The following MERTK variants were observed in gnomAD, a reference collection of about 807,000 sequenced individuals.
MERTK encodes tyrosine-protein kinase Mer.
MERTK carries 69 observed loss-of-function variants against 99.3 expected under a neutral mutation model. The ratio of observed to expected loss-of-function variants is 0.70; its 90% CI spans 0.57 to 0.85. MERTK has a LOEUF of 0.85. MERTK is among the 40% of genes least tolerant of loss of function. MERTK has a pLI of 0.00. For missense variants in MERTK, 1,125 were observed against 1,249.4 expected, an observed-to-expected ratio of 0.90 and a Z score of 1.50; for synonymous variants, 426 against 467.6, an observed-to-expected ratio of 0.91 and a Z score of 1.15.
chr2:112,017,990 A>T (rs1013284633), intron 15 of MERTK, among the ~76,000 whole-genome samples: 3 of 152,202 alleles, frequency 2.0e-5, no homozygotes, highest in Non-Finnish European at 2.9e-5. Flanking sequence ...AGAGTTGGCT[A>T]GGTGGGTGCT....
intron 1 of MERTK, among the ~76,000 whole-genome samples, chr2:111,925,925 C>T (rs1157041376): frequency 6.6e-6 from 1 of 151,744 alleles, no homozygotes; most frequent in East Asian, 2.0e-4. Context: ...CTCCGCCTCC[C>T]GGGTTCTGCC....
chr2:111,904,565 G>A (rs377076653), intron 1 of MERTK, among the ~76,000 whole-genome samples: 5 of 151,968 alleles, frequency 3.3e-5, no homozygotes, highest in Admixed American at 6.6e-5. Flanking sequence ...AAGTAGAGAC[G>A]GGGTTTCACC....
chr2:112,000,168 C>T (rs1019604004), intron 10 of MERTK, among the ~76,000 whole-genome samples: 5 of 152,120 alleles, frequency 3.3e-5, no homozygotes, highest in Non-Finnish European at 5.9e-5. Flanking sequence ...TGTGGATCTT[C>T]GGTTGCTTCA....
At chr2:111,903,931 G>A (rs1473828583) in intron 1 of MERTK, among the ~76,000 whole-genome samples, 5 of 152,188 alleles carry the variant, frequency 3.3e-5, no homozygotes, top group Non-Finnish European at 5.9e-5. Flanking sequence ...CTAGACAAAA[G>A]GTGTTGGGAG....
chr2:112,027,768 C>T (rs1047524184), intron 18 of MERTK, among the ~76,000 whole-genome samples: 4 of 152,180 alleles, frequency 2.6e-5, no homozygotes, highest in African/African-American at 9.7e-5. Context: ...TACCCCCTGC[C>T]CTCACCCCTG....
At chr2:112,013,874 G>A (rs1223522030) in intron 15 of MERTK, among the ~76,000 whole-genome samples, 1 of 150,228 alleles carries the variant, frequency 6.7e-6, no homozygotes, top group Non-Finnish European at 1.5e-5. Context: ...GTGGCGGGGG[G>A]ATGGAATTTC....
chr2:112,020,767 G>C, intron 16 of MERTK: 1 of 439,278 alleles, frequency 2.3e-6, no homozygotes, highest in Admixed American at 2.8e-5. Flanking sequence ...GTCCACCAGA[G>C]GGCTCTGGTT....
chr2:111,942,503 G>A (rs1684881948), intron 2 of MERTK, among the ~76,000 whole-genome samples: 1 of 152,162 alleles, frequency 6.6e-6, no homozygotes, highest in South Asian at 2.1e-4. Context: ...GGGCTACCAG[G>A]AGAGGGTCAG....
At chr2:112,025,096 C>A (rs1457946306) in intron 18 of MERTK, among the ~76,000 whole-genome samples, 2 of 152,204 alleles carry the variant, frequency 1.3e-5, no homozygotes, top group East Asian at 3.8e-4. Context: ...ACTGGCACTG[C>A]CGCCGACTGT....
intron 1 of MERTK, among the ~76,000 whole-genome samples, chr2:111,915,561 C>T (rs1315510466): frequency 1.7e-5 from 2 of 117,052 alleles, no homozygotes; most frequent in Non-Finnish European, 3.4e-5. Context: ...TTTAGTTCAA[C>T]GTATTTTTTA....
intron 13 of MERTK, among the ~76,000 whole-genome samples, chr2:112,004,299 A>G (rs1676936444): frequency 6.6e-6 from 1 of 152,024 alleles, no homozygotes; most frequent in Non-Finnish European, 1.5e-5. Context: ...AACAACTCCA[A>G]AGTAGAGCAT....
chr2:112,012,665 A>G (rs559919521), intron 15 of MERTK, among the ~76,000 whole-genome samples: 2 of 152,272 alleles, frequency 1.3e-5, no homozygotes, highest in South Asian at 4.1e-4. Context: ...TCCTTCCAGC[A>G]TGGAGAAACT....
At chr2:111,991,689 CATCCCTTG>C (rs1335328559) in intron 8 of MERTK, among the ~76,000 whole-genome samples, 1 of 152,174 alleles carries the variant, frequency 6.6e-6, no homozygotes, top group Non-Finnish European at 1.5e-5. Flanking sequence ...TTTTCCCTTT[CATCCCTTG>C]TCTGGGGGTG....
intron 1 of MERTK, among the ~76,000 whole-genome samples, chr2:111,910,610 G>GTGTGTGTGTA (rs370882764): frequency 0.014 from 1,959 of 143,574 alleles, 29 homozygotes; most frequent in African/African-American, 0.03. Context: ...GTGTGTGTGT[G>GTGTGTGTGTA]TATATATATA....
chr2:111,983,165 G>A (rs1275400501), intron 8 of MERTK, among the ~76,000 whole-genome samples, 172 bp downstream of exon 8: 1 of 152,186 alleles, frequency 6.6e-6, no homozygotes, highest in Non-Finnish European at 1.5e-5. Flanking sequence ...TGACTGAACA[G>A]TTACAAAATT....
chr2:111,941,124 T>C, intron 2 of MERTK: 1 of 356,028 alleles, frequency 2.8e-6, no homozygotes, highest in Non-Finnish European at 5.4e-6. Context: ...CTTGCATGCC[T>C]GAAAATGCCA....
At chr2:111,990,007 C>G (rs1676582208) in intron 8 of MERTK, among the ~76,000 whole-genome samples, 1 of 152,156 alleles carries the variant, frequency 6.6e-6, no homozygotes, top group Non-Finnish European at 1.5e-5. Flanking sequence ...ACCAGACCAC[C>G]TCATGTCAGA....
chr2:112,013,292 A>G (rs1170265065), intron 15 of MERTK: 1 of 154,278 alleles, frequency 6.5e-6, no homozygotes, highest in African/African-American at 2.4e-5. Context: ...TACACAGAAA[A>G]TATAATAGAC....
At chr2:111,921,945 T>C (rs1481839907) in intron 1 of MERTK, among the ~76,000 whole-genome samples, 1 of 152,136 alleles carries the variant, frequency 6.6e-6, no homozygotes, top group Admixed American at 6.5e-5. Context: ...CATTTTATTG[T>C]TGGGGAAGGA....
Sources: allele counts gnomAD v4.1 joint callset (sites outside exome capture counted in the v4.1 genomes callset), GRCh38; gene constraint gnomAD v4.1.1; transcripts MANE v1.5; gene names NCBI Gene and HGNC (gene_info 2026-07-23, HGNC 2026-07-21).